Variants in ADAMTS19 observed in about 807,000 individuals in gnomAD.
The protein encoded by ADAMTS19 is A disintegrin and metalloproteinase with thrombospondin motifs 19.
Under a neutral mutation model 153.3 loss-of-function variants are expected in ADAMTS19, and 93 were observed. The observed-to-expected ratio is 0.61, with a 90% CI of 0.51 to 0.72. The LOEUF (loss-of-function observed/expected upper bound fraction) is 0.72. Among genes scored for constraint, ADAMTS19 ranks in the 30% least tolerant of loss-of-function variants. The pLI is 0.00. For synonymous variants in ADAMTS19, 600 were observed against 556.6 expected, an observed-to-expected ratio of 1.08 and a Z score of -1.10; for missense variants, 1,482 against 1,552.1, an observed-to-expected ratio of 0.95 and a Z score of 0.76.
intron 7 of ADAMTS19, among the ~76,000 whole-genome samples, chr5:129,587,721 G>T (rs1749889122): frequency 6.6e-6 from 1 of 152,122 alleles, no homozygotes; most frequent in East Asian, 1.9e-4. Context: ...CAATTCTCCA[G>T]TTTTGTTACT....
intron 2 of ADAMTS19, among the ~76,000 whole-genome samples, chr5:129,501,537 A>AT (rs545037007): frequency 4.7e-4 from 71 of 151,544 alleles, no homozygotes; most frequent in African/African-American, 1.6e-3. Context: ...AAAGATGAGG[A>AT]TTTTTTTTTG....
chr5:129,573,870 A>G (rs146855751), intron 7 of ADAMTS19, among the ~76,000 whole-genome samples: 3 of 152,222 alleles, frequency 2.0e-5, no homozygotes, highest in Admixed American at 6.5e-5. Flanking sequence ...TATGAATATT[A>G]AAATATGTTG....
intron 6 of ADAMTS19, among the ~76,000 whole-genome samples, chr5:129,539,289 A>G (rs1387213509): frequency 1.3e-5 from 2 of 152,120 alleles, no homozygotes; most frequent in Non-Finnish European, 2.9e-5. Context: ...AGAGGGAGGC[A>G]GAAGTTCAAA....
chr5:129,705,266 G>A (rs979568228), intron 21 of ADAMTS19, among the ~76,000 whole-genome samples: 1 of 152,232 alleles, frequency 6.6e-6, no homozygotes, highest in East Asian at 1.9e-4. Flanking sequence ...AAAGAGAAAA[G>A]AAAGTGATGG....
At chr5:129,521,541 G>T (rs777302088) in intron 3 of ADAMTS19, among the ~76,000 whole-genome samples, 3 of 152,052 alleles carry the variant, frequency 2.0e-5, no homozygotes, top group Non-Finnish European at 4.4e-5. Flanking sequence ...CTAGTAAGTA[G>T]CAAATCCAAG....
intron 10 of ADAMTS19, among the ~76,000 whole-genome samples, chr5:129,626,974 G>A (rs1471790022): frequency 6.6e-6 from 1 of 151,988 alleles, no homozygotes; most frequent in Non-Finnish European, 1.5e-5. Context: ...TGAAGAAAGT[G>A]GGAGAACAAG....
chr5:129,509,430 AAAAAGTAGAACTC>A (rs1394269254), intron 3 of ADAMTS19, among the ~76,000 whole-genome samples, 188 bp downstream of exon 3: 3 of 152,018 alleles, frequency 2.0e-5, no homozygotes, highest in Non-Finnish European at 4.4e-5. Flanking sequence ...TTTTAATATC[AAAAAGTAGAACTC>A]AAAAGGACTT....
rs149663698 is a variant in ADAMTS19 at position 129,693,763 on chromosome 5, A to G, written c.2819-957A>G. On this transcript the variant is annotated intron_variant, in intron 18 of 22. Transcript: ENST00000274487. ...ACAGCATATAAATTGTCATGTTTAC[A>G]TCCTATAATCAAATTTTATCATAGT... Among the ~76,000 whole-genome samples, 326 of 152,288 alleles carry G rather than the reference A, an allele frequency of 2.1e-3. 1 individual carries two copies. The highest frequency in any genetic ancestry group is 7.5e-3 in the African/African-American group (310 of 41,572).
intron 8 of ADAMTS19, among the ~76,000 whole-genome samples, chr5:129,613,789 C>G (rs569321507): frequency 9.9e-5 from 15 of 151,858 alleles, no homozygotes; most frequent in African/African-American, 3.4e-4. Context: ...AGACTGCTAG[C>G]GAGACTAATA....
At chr5:129,597,049 C>CCT (rs1181678267) in intron 8 of ADAMTS19, among the ~76,000 whole-genome samples, 1 of 151,984 alleles carries the variant, frequency 6.6e-6, no homozygotes, top group Non-Finnish European at 1.5e-5. Flanking sequence ...TTTGTTATTA[C>CCT]CAGGCATAAG....
At chr5:129,703,577 C>T (rs1756008966) in intron 20 of ADAMTS19, among the ~76,000 whole-genome samples, 1 of 152,014 alleles carries the variant, frequency 6.6e-6, no homozygotes, top group Admixed American at 6.6e-5. Flanking sequence ...ACTGAAAATA[C>T]AGAAATTAGC....
chr5:129,664,240 T>C (rs1753938031), intron 15 of ADAMTS19, among the ~76,000 whole-genome samples: 1 of 152,224 alleles, frequency 6.6e-6, no homozygotes, highest in Non-Finnish European at 1.5e-5. Flanking sequence ...TATTTGCCAT[T>C]GTATTCAACT....
chr5:129,606,390 T>G (rs532404586), intron 8 of ADAMTS19, among the ~76,000 whole-genome samples: 9 of 152,350 alleles, frequency 5.9e-5, no homozygotes, highest in Admixed American at 2.0e-4. Context: ...CTTTCTCCCC[T>G]TAGTTACTTC....
chr5:129,473,407 G>A (rs1292418468), intron 2 of ADAMTS19, among the ~76,000 whole-genome samples: 3 of 152,174 alleles, frequency 2.0e-5, no homozygotes, highest in East Asian at 3.9e-4. Context: ...ACTGACAGAG[G>A]AAATTGTGTA....
chr5:129,474,055 C>G (rs981516597), intron 2 of ADAMTS19, among the ~76,000 whole-genome samples: 1 of 152,118 alleles, frequency 6.6e-6, no homozygotes, highest in African/African-American at 2.4e-5. Flanking sequence ...TCATCCCCAT[C>G]TGCAGTCACT....
In ADAMTS19 at chr5:129,622,228, A is replaced by T; in HGVS notation, c.1650A>T (p.Thr550=). The T allele has an allele frequency of 3.1e-6, 5 of 1,614,132 alleles. No homozygotes were observed. The highest frequency in any genetic ancestry group is 4.2e-6 in the Non-Finnish European group (5 of 1,179,994). The change falls in exon 10 of 23, where the codon ACA becomes ACT. Residue 550 remains threonine (T), a synonymous_variant. Transcript: ENST00000274487. ...RSKASNCLLQ[T]NPQSVNSVMV... ...AGGCCAGTAACTGCTTGCTACAAAC[A>T]AATCCGCAGAGTGTCAATTCTGTGA...
chr5:129,677,454 G>T, intron 16 of ADAMTS19, among the ~76,000 whole-genome samples: 1 of 151,072 alleles, frequency 6.6e-6, no homozygotes. Flanking sequence ...TCCAGCCTGG[G>T]TGACAGAGTG....
chr5:129,584,698 G>A (rs965357927), intron 7 of ADAMTS19, among the ~76,000 whole-genome samples: 1 of 152,150 alleles, frequency 6.6e-6, no homozygotes, highest in Non-Finnish European at 1.5e-5. Context: ...TTTACACTGT[G>A]AGGGGTAAAC....
intron 2 of ADAMTS19, among the ~76,000 whole-genome samples, chr5:129,477,314 A>T (rs1207160042): frequency 6.6e-6 from 1 of 152,186 alleles, no homozygotes; most frequent in Non-Finnish European, 1.5e-5. Flanking sequence ...AGATTTCATT[A>T]CTAATTTAAT....
Sources: allele counts gnomAD v4.1 joint callset (sites outside exome capture counted in the v4.1 genomes callset), GRCh38; gene constraint gnomAD v4.1.1; transcripts MANE v1.5; gene names NCBI Gene and HGNC (gene_info 2026-07-23, HGNC 2026-07-21).